Variants in TRAF6 observed in about 807,000 individuals in gnomAD.
The protein encoded by TRAF6 is TNF receptor-associated factor 6.
Under a neutral mutation model 48.4 loss-of-function variants are expected in TRAF6, and 10 were observed. The observed-to-expected ratio is 0.21, with a 90% CI of 0.13 to 0.35. The LOEUF is 0.35. TRAF6 is among the 10% of genes least tolerant of loss of function. The pLI, the probability that TRAF6 is intolerant of heterozygous loss-of-function variation, is 1.00. For missense variants in TRAF6, 397 were observed against 661.0 expected, an observed-to-expected ratio of 0.60 and a Z score of 4.38; for synonymous variants, 186 against 219.6, an observed-to-expected ratio of 0.85 and a Z score of 1.35.
Position 36,484,563 on chromosome 11 carries a change from T to C in TRAF6, c.*5275A>G, listed in dbSNP as rs1431102283. Among the ~76,000 whole-genome samples, 1 of 152,222 alleles carries C rather than the reference T, an allele frequency of 6.6e-6. No individual in the cohort carries two copies. The highest frequency in any genetic ancestry group is 1.5e-5 in the Non-Finnish European group (1 of 68,034). ...CTTAATAGAGTCATACATTAATGAA[T>C]GTTACCCATTATTTAATATTTAAAT... On this transcript the variant is annotated 3_prime_UTR_variant, in exon 7 of 7. Coordinates refer to ENST00000526995, the MANE Select transcript of TRAF6 (RefSeq NM_004620.4).
Position 36,485,523 on chromosome 11 carries a change from A to G in TRAF6, c.*4315T>C, listed in dbSNP as rs1466540697. Among the ~76,000 whole-genome samples the G allele has an allele frequency of 1.3e-5, 2 of 152,124 alleles. No homozygotes were observed. The highest frequency in any genetic ancestry group is 2.9e-5 in the Non-Finnish European group (2 of 68,042). ...AGTAAGAGCAGAGGCACATGCCCCA[A>G]CTTCCCCATCTTAAAGGCAGGGCTA... On this transcript the variant is annotated 3_prime_UTR_variant, in exon 7 of 7. Coordinates refer to ENST00000526995, the MANE Select transcript of TRAF6 (RefSeq NM_004620.4).
chr11:36,493,329 C>T (rs952115180), intron 5 of TRAF6, among the ~76,000 whole-genome samples: 5 of 152,124 alleles, frequency 3.3e-5, no homozygotes, highest in Non-Finnish European at 7.3e-5. Flanking sequence ...ACAGGAAGTA[C>T]CTGAGAGACC....
intron 6 of TRAF6, among the ~76,000 whole-genome samples, chr11:36,491,376 T>A (rs1564965041): frequency 1.3e-5 from 2 of 152,236 alleles, no homozygotes. Flanking sequence ...TGTTACCTAA[T>A]ATCTCACCTA....
intron 1 of TRAF6, among the ~76,000 whole-genome samples, chr11:36,504,259 CCCA>C (rs1327195119): frequency 2.0e-5 from 3 of 152,106 alleles, no homozygotes; most frequent in South Asian, 2.1e-4. Context: ...AGCATTTTAC[CCCA>C]CGAGAACTTC....
chr11:36,503,274 C>T (rs545354777), intron 1 of TRAF6, among the ~76,000 whole-genome samples: 56 of 151,758 alleles, frequency 3.7e-4, no homozygotes, highest in African/African-American at 1.3e-3. Flanking sequence ...TGCAAAGAAA[C>T]TTGGCATGTG....
At chr11:36,501,093 A>G (rs1859709224) in intron 2 of TRAF6, 127 bp downstream of exon 2, 3 of 933,644 alleles carry the variant, frequency 3.2e-6, no homozygotes, top group Non-Finnish European at 4.6e-6. Context: ...TTTTCTGTCC[A>G]TTGTTCTTTT....
At chr11:36,495,115 G>T in intron 4 of TRAF6, 68 bp from the exon 5 acceptor site, 1 of 1,233,048 alleles carries the variant, frequency 8.1e-7, no homozygotes, top group Non-Finnish European at 1.2e-6. Context: ...AACTAATTTT[G>T]ATAAAAAGCA....
chr11:36,507,761 CATAT>C (rs1486542198), intron 1 of TRAF6, among the ~76,000 whole-genome samples: 1 of 137,496 alleles, frequency 7.3e-6, no homozygotes, highest in Admixed American at 7.3e-5. Context: ...ATGTATTATA[CATAT>C]AAACATATAC....
chr11:36,485,729 T>A lies in TRAF6; in HGVS notation c.*4109A>T, dbSNP rs1301587059. 6.6e-6 allele frequency among the ~76,000 whole-genome samples: 1 copy of A among 152,160 alleles called. No individual in the cohort carries two copies. Among genetic ancestry groups the A allele is most frequent in the African/African-American group, 2.4e-5 (1 of 41,392 alleles). ...TTAGTGAAACAACCAGGCACCTCCT[T>A]GCCAAGTGTCCGTTTTTGACTGAAA... On this transcript the variant is annotated 3_prime_UTR_variant, in exon 7 of 7. Transcript: ENST00000526995.
intron 1 of TRAF6, among the ~76,000 whole-genome samples, chr11:36,504,802 G>A (rs566011447): frequency 1.3e-5 from 2 of 152,270 alleles, no homozygotes; most frequent in East Asian, 3.9e-4. Context: ...AAGTCTAAAT[G>A]ACTCCTTGAT....
chr11:36,491,859 C>T (rs775203976), intron 6 of TRAF6, among the ~76,000 whole-genome samples: 1 of 152,200 alleles, frequency 6.6e-6, no homozygotes, highest in African/African-American at 2.4e-5. Context: ...TGTCAGTCAT[C>T]CCACCTGTTC....
At chr11:36,491,961 C>T (rs1859569603) in intron 6 of TRAF6, among the ~76,000 whole-genome samples, 1 of 152,172 alleles carries the variant, frequency 6.6e-6, no homozygotes, top group South Asian at 2.1e-4. Context: ...CCTGTGTTCA[C>T]TCTTTTTTGC....
chr11:36,499,219 G>A (rs1206909536), intron 2 of TRAF6, among the ~76,000 whole-genome samples: 1 of 152,080 alleles, frequency 6.6e-6, no homozygotes, highest in Non-Finnish European at 1.5e-5. Context: ...GAAAGTTAAA[G>A]GACCTCTATG....
At position 36,487,120 on chromosome 11, in the gene TRAF6, T is replaced by A. The variant is rs1859496017; in HGVS notation, c.*2718A>T. The A allele has an allele frequency of 6.6e-6, 1 of 151,506 alleles. No homozygotes were observed. Among genetic ancestry groups the A allele is most frequent in the South Asian group, 2.1e-4 (1 of 4,830 alleles). 9.4% of individuals were successfully genotyped at this position (151,506 alleles called of 1,614,324 possible). A position where few individuals can be genotyped will look rare whatever the true frequency, so the allele number is the denominator to read the frequency against. ...AAAAACAAAACAAAACAACCTTTAG[T>A]TGAACATCTCCAGAAAAAAGTGGAA... On this transcript the variant is annotated 3_prime_UTR_variant, in exon 7 of 7. Transcript: ENST00000526995.
chr11:36,489,584 A>G lies in TRAF6; in HGVS notation c.*254T>C. ...ACAACAAAGAGGTATACTAACTGGC[A>G]AAATAGCTGCTGCAACATGCCACAG... On this transcript the variant is annotated 3_prime_UTR_variant, in exon 7 of 7. Coordinates refer to ENST00000526995, the MANE Select transcript of TRAF6 (RefSeq NM_004620.4). 1 of 502,844 alleles carries G rather than the reference A, an allele frequency of 2.0e-6. No individual in the cohort carries two copies. Among genetic ancestry groups the G allele is most frequent in the Non-Finnish European group, 3.5e-6 (1 of 285,414 alleles). 31.1% of individuals were successfully genotyped at this position (502,844 alleles called of 1,614,324 possible). A position where few individuals can be genotyped will look rare whatever the true frequency, so the allele number is the denominator to read the frequency against.
intron 1 of TRAF6, 174 bp from the exon 2 acceptor site, chr11:36,501,711 T>C: frequency 2.3e-6 from 1 of 425,808 alleles, no homozygotes. Context: ...ATGACTATTA[T>C]AAGTTACCTG....
chr11:36,494,940 T>C, intron 5 of TRAF6, 36 bp downstream of exon 5: 2 of 1,425,064 alleles, frequency 1.4e-6, no homozygotes, highest in Admixed American at 1.9e-5. Flanking sequence ...CTTTAAGCTG[T>C]TTATGAAAAT....
At chr11:36,499,315 T>G (rs1859684562) in intron 2 of TRAF6, among the ~76,000 whole-genome samples, 1 of 152,180 alleles carries the variant, frequency 6.6e-6, no homozygotes, top group Admixed American at 6.5e-5. Flanking sequence ...AGATGCACTT[T>G]GATTCCTTGA....
chr11:36,490,129 G>A lies in TRAF6; in HGVS notation c.1278C>T (p.Phe426=). The change falls in exon 7 of 7, where the codon TTC becomes TTT. Residue 426 remains phenylalanine, a synonymous_variant. Transcript: ENST00000526995. This position sits in a 1 kb window ranked among gnomAD's most constrained non-coding sequence, Gnocchi z 6.4. ...GEYDSHLPWP[F]QGTIRLTILD... is the part of the protein sequence containing the mutation. ...GAATTGTAAGGCGTATTGTACCCTGGAAGGGCCAAGGGAGGTGGCTGTCAT... is the reference window on the plus strand; with the variant it reads ...GAATTGTAAGGCGTATTGTACCCTGAAAGGGCCAAGGGAGGTGGCTGTCAT... The A allele has an allele frequency of 1.2e-6, 2 of 1,614,150 alleles. No homozygotes were observed. Among genetic ancestry groups the A allele is most frequent in the Non-Finnish European group, 1.7e-6 (2 of 1,180,036 alleles).
Sources: allele counts gnomAD v4.1 joint callset (sites outside exome capture counted in the v4.1 genomes callset), GRCh38; gene constraint gnomAD v4.1.1; non-coding constraint Gnocchi (gnomAD v3.1); transcripts MANE v1.5; gene names NCBI Gene and HGNC (gene_info 2026-07-23, HGNC 2026-07-21).